TMEM212: variants seen among roughly 807,000 people sequenced by gnomAD.
TMEM212 encodes the protein transmembrane protein 212.
A neutral mutation model predicts 20.5 loss-of-function variants in TMEM212; 23 were observed. That is an observed-to-expected ratio of 1.12 (90% CI 0.81 to 1.59). The LOEUF (loss-of-function observed/expected upper bound fraction) is 1.59, where lower values mean the gene tolerates loss of function less well. Among genes scored for constraint, TMEM212 ranks in the 40% most tolerant of loss-of-function variants. TMEM212 has a pLI of 0.00. For missense variants in TMEM212, 211 were observed against 215.0 expected (o/e 0.98, Z 0.12); for synonymous variants, 76 against 81.6 (o/e 0.93, Z 0.37).
chr3:171,843,601 A>G, intron 1 of TMEM212, 59 bp downstream of exon 1: 1 of 1,382,458 alleles, frequency 7.2e-7, no homozygotes, highest in East Asian at 2.5e-5. Flanking sequence ...AGGGAAAGGG[A>G]AAACAGAAGA....
intron 1 of TMEM212, among the ~76,000 whole-genome samples, chr3:171,844,014 T>C (rs1724776599): frequency 2.0e-5 from 3 of 152,174 alleles, no homozygotes; most frequent in African/African-American, 7.2e-5. Context: ...TTTCCACCTT[T>C]CTCTTGCAAG....
rs1560327283 is a variant in TMEM212 at position 171,853,525 on chromosome 3, AG to A, written c.223del. 6.5e-7 allele frequency: 1 copy of A among 1,530,322 alleles called. No homozygotes were observed. Among genetic ancestry groups the A allele is most frequent in the Non-Finnish European group, 8.7e-7 (1 of 1,143,096 alleles). 94.8% of individuals were successfully genotyped at this position (1,530,322 alleles called of 1,614,324 possible). ...AACAATTTATTTTTGCTTTATTTTC[AG>A]GGGGAAGCTACTTTCACCTTTGTGA... On this transcript the variant is annotated splice_acceptor_variant, in intron 2 of 4. Transcript: ENST00000334567. LOFTEE classifies it high-confidence loss of function.
chr3:171,846,539 A>G (rs1369110196), intron 1 of TMEM212, among the ~76,000 whole-genome samples: 1 of 152,226 alleles, frequency 6.6e-6, no homozygotes, highest in African/African-American at 2.4e-5. Flanking sequence ...CTCTGTGTTC[A>G]ATAAATATTG....
intron 3 of TMEM212, 53 bp from the exon 4 acceptor site, chr3:171,856,610 T>C (rs774810013): frequency 3.7e-5 from 24 of 650,446 alleles, no homozygotes; most frequent in African/African-American, 1.1e-4. Flanking sequence ...CACAGAATCA[T>C]AGGACTATTT....
chr3:171,845,642 T>C (rs1724813615), intron 1 of TMEM212, among the ~76,000 whole-genome samples: 1 of 152,178 alleles, frequency 6.6e-6, no homozygotes. Flanking sequence ...CATAGTTAAT[T>C]GGTAACTGTT....
chr3:171,851,993 T>C lies in TMEM212; in HGVS notation c.171T>C (p.Thr57=). The change falls in exon 2 of 5, where the codon ACT becomes ACC. Residue 57 remains threonine, a synonymous_variant. Transcript: ENST00000334567. ...PIWNGALAIT[T]GVLLLLAYRE... is the part of the protein sequence containing the mutation. The stretch of plus-strand genomic sequence containing the variant: ...TTTTCTTGTCACAGGCCATCACAAC[T>C]GGTGTGCTTCTACTGTTGGCTTACA... The C allele has an allele frequency of 6.5e-7, 1 of 1,537,042 alleles. No homozygotes were observed. Among genetic ancestry groups the C allele is most frequent in the African/African-American group, 1.4e-5 (1 of 73,142 alleles).
chr3:171,856,166 A>G (rs1394957206), intron 3 of TMEM212, among the ~76,000 whole-genome samples: 1 of 152,190 alleles, frequency 6.6e-6, no homozygotes. Flanking sequence ...ATAGATTGGT[A>G]TCATCAGCTT....
chr3:171,844,218 C>T (rs533073810), intron 1 of TMEM212, among the ~76,000 whole-genome samples: 58 of 152,110 alleles, frequency 3.8e-4, no homozygotes, highest in Non-Finnish European at 7.1e-4. Context: ...GGTCCCTTAG[C>T]TCTCCAACCA....
At chr3:171,856,424 C>T (rs572347191) in intron 3 of TMEM212, among the ~76,000 whole-genome samples, 5 of 152,156 alleles carry the variant, frequency 3.3e-5, no homozygotes, top group Admixed American at 6.6e-5. Flanking sequence ...CTGCCCAACT[C>T]TCCCTATAAA....
At chr3:171,843,619 C>A in intron 1 of TMEM212, 77 bp downstream of exon 1, 1 of 1,266,396 alleles carries the variant, frequency 7.9e-7, no homozygotes. Context: ...AGAACATATC[C>A]TTTTAAATTG....
At chr3:171,846,629 A>G (rs1216490540) in intron 1 of TMEM212, among the ~76,000 whole-genome samples, 1 of 152,240 alleles carries the variant, frequency 6.6e-6, no homozygotes, top group African/African-American at 2.4e-5. Context: ...ACAGTTGAAT[A>G]CCAATTAGGT....
At chr3:171,852,168 C>A in intron 2 of TMEM212, 127 bp downstream of exon 2, 1 of 711,418 alleles carries the variant, frequency 1.4e-6, no homozygotes, top group Non-Finnish European at 2.3e-6. Context: ...TGATGCCTTA[C>A]TACAATGGAT....
chr3:171,858,328 T>C lies in TMEM212; in HGVS notation c.*271T>C, dbSNP rs1725163327. ...CAAAAACAAGAAATGGGGAAAGGAT[T>C]CCCTTTTTAATAAATGGTGCTGGGA... On this transcript the variant is annotated 3_prime_UTR_variant, in exon 5 of 5. Transcript: ENST00000334567. 6.6e-6 allele frequency: 1 copy of C among 152,154 alleles called. No homozygotes were observed. Among genetic ancestry groups the C allele is most frequent in the Non-Finnish European group, 1.5e-5 (1 of 68,058 alleles). The allele number at this position is 152,154 out of a possible 1,614,324, so 9.4% of individuals were successfully genotyped here. A position where few individuals can be genotyped will look rare whatever the true frequency, so the allele number is the denominator to read the frequency against.
At position 171,858,202 on chromosome 3, in the gene TMEM212, T is replaced by C. The variant is rs958339827; in HGVS notation, c.*145T>C. On this transcript the variant is annotated 3_prime_UTR_variant, in exon 5 of 5. Transcript: ENST00000334567. ...CAAGGCTACAGTTACCAAAACAGCA[T>C]GGTACTGGTACCAAAACAGATATAT... The C allele has an allele frequency of 1.3e-5, 2 of 152,160 alleles. No individual in the cohort carries two copies. The highest frequency in any genetic ancestry group is 2.9e-5 in the Non-Finnish European group (2 of 68,050). 9.4% of individuals were successfully genotyped at this position (152,160 alleles called of 1,614,324 possible).
At chr3:171,845,561 T>C (rs1183215210) in intron 1 of TMEM212, among the ~76,000 whole-genome samples, 1 of 152,228 alleles carries the variant, frequency 6.6e-6, no homozygotes, top group Non-Finnish European at 1.5e-5. Context: ...GATGATTGAA[T>C]GTATTGTTCT....
chr3:171,854,984 G>A (rs1314779202), intron 3 of TMEM212, among the ~76,000 whole-genome samples: 1 of 152,106 alleles, frequency 6.6e-6, no homozygotes, highest in Non-Finnish European at 1.5e-5. Context: ...TAAAAAAGGG[G>A]TTGTGTAATT....
At chr3:171,845,203 C>CA (rs1264975579) in intron 1 of TMEM212, among the ~76,000 whole-genome samples, 1 of 152,018 alleles carries the variant, frequency 6.6e-6, no homozygotes, top group Non-Finnish European at 1.5e-5. Context: ...TTTGGTGACT[C>CA]AGAGTCAGAA....
intron 3 of TMEM212, among the ~76,000 whole-genome samples, chr3:171,856,380 G>A (rs1348734570): frequency 6.6e-6 from 1 of 152,176 alleles, no homozygotes; most frequent in Non-Finnish European, 1.5e-5. Flanking sequence ...CTGGATAAGT[G>A]ACACTGTAAG....
At chr3:171,852,201 A>G (rs1724992278) in intron 2 of TMEM212, among the ~76,000 whole-genome samples, 160 bp downstream of exon 2, 1 of 152,098 alleles carries the variant, frequency 6.6e-6, no homozygotes, top group Non-Finnish European at 1.5e-5. Flanking sequence ...CTCTGTTTTA[A>G]AAGATTTTTT....
Sources: gnomAD v4.1 joint callset for allele counts (sites outside exome capture counted in the v4.1 genomes callset) on GRCh38, gnomAD v4.1.1 for gene constraint, MANE v1.5 for transcripts, NCBI Gene and HGNC (gene_info 2026-07-23, HGNC 2026-07-21) for gene names.